The following CSMD1 variants were observed in gnomAD, a reference collection of about 807,000 sequenced individuals.
The protein encoded by CSMD1 is CUB and sushi domain-containing protein 1.
CSMD1 carries 213 observed loss-of-function variants against 417.5 expected under a neutral mutation model. The observed-to-expected ratio is 0.51, with a 90% confidence interval of 0.46 to 0.57. The LOEUF (loss-of-function observed/expected upper bound fraction) is 0.57. Ranked by LOEUF, CSMD1 falls within the 20% of genes least tolerant of loss-of-function variation. The probability of loss-of-function intolerance (pLI) is 0.00; values close to 1 mark genes in which losing one functional copy is unlikely to be tolerated. For synonymous variants in CSMD1, 2,862 were observed against 1,736.8 expected (o/e 1.65, Z -16.11); for missense variants, 6,923 against 4,529.7 (o/e 1.53, Z -15.17).
intron 1 of CSMD1, among the ~76,000 whole-genome samples, chr8:4,831,618 A>G (rs1176320826): frequency 6.6e-6 from 1 of 151,874 alleles, no homozygotes; most frequent in African/African-American, 2.4e-5. Context: ...ACCTGGTGAC[A>G]CTCTTTCTTT....
chr8:4,006,132 T>C (rs1485073946), intron 4 of CSMD1, among the ~76,000 whole-genome samples: 1 of 152,160 alleles, frequency 6.6e-6, no homozygotes, highest in South Asian at 2.1e-4. Flanking sequence ...TATTCACATA[T>C]CAACCACAGA....
rs533617889 is a variant in CSMD1 at position 3,976,051 on chromosome 8, C to G, written c.818+21852G>C. Among the ~76,000 whole-genome samples, 26 of 151,958 alleles carry G rather than the reference C, an allele frequency of 1.7e-4. No individual in the cohort carries two copies. The East Asian group carries it at 5.0e-3, about 29-fold the overall frequency. On this transcript the variant is annotated intron_variant, in intron 5 of 69. Transcript: ENST00000635120. ...ATATTCAATATATACTGATTGAAAT[C>G]TGTATTTGATATGTTAAATTTTTTT...
intron 3 of CSMD1, among the ~76,000 whole-genome samples, chr8:4,065,110 T>C (rs1799177362): frequency 6.6e-6 from 1 of 152,234 alleles, no homozygotes; most frequent in African/African-American, 2.4e-5. Flanking sequence ...AAAATGTCAT[T>C]TTCTAGTTTA....
intron 41 of CSMD1, among the ~76,000 whole-genome samples, chr8:3,134,259 G>A (rs564409302): frequency 1.3e-5 from 2 of 152,258 alleles, no homozygotes; most frequent in African/African-American, 2.4e-5. Flanking sequence ...CAAATCAAGG[G>A]CAAGGGTTCT....
intron 10 of CSMD1, among the ~76,000 whole-genome samples, chr8:3,547,958 A>C (rs1362960469): frequency 1.3e-5 from 2 of 152,210 alleles, no homozygotes; most frequent in Non-Finnish European, 2.9e-5. Context: ...TTGCGATACA[A>C]CTTCAACCTA....
At chr8:4,903,287 C>A (rs754262931) in intron 1 of CSMD1, among the ~76,000 whole-genome samples, 1 of 152,108 alleles carries the variant, frequency 6.6e-6, no homozygotes, top group Non-Finnish European at 1.5e-5. Context: ...TACAGCTGAC[C>A]TTTCTGATTT....
chr8:4,396,303 TAAA>T lies in CSMD1; in HGVS notation c.415+23647_415+23649del, dbSNP rs71534399. ...ACAGTGAGACATCATCTCTTAAAAG[TAAA>T]AAAAAAAAAAAATAGCCAGGCATGG... is the stretch of plus-strand genomic sequence containing the variant. On this transcript the variant is annotated intron_variant, in intron 3 of 69. Coordinates refer to ENST00000635120, the MANE Select transcript of CSMD1 (RefSeq NM_033225.6). Among the ~76,000 whole-genome samples, 94 of 139,576 alleles carry T rather than the reference TAAA, an allele frequency of 6.7e-4. 1 individual carries two copies. The highest frequency in any genetic ancestry group is 2.0e-3 in the African/African-American group (80 of 39,160). The allele number at this position is 139,576 out of a possible 152,430, so 91.6% of individuals were successfully genotyped here. A position where few individuals can be genotyped will look rare whatever the true frequency, so the allele number is the denominator to read the frequency against.
chr8:4,729,652 G>A (rs910136002), intron 1 of CSMD1, among the ~76,000 whole-genome samples: 53 of 152,326 alleles, frequency 3.5e-4, no homozygotes, highest in African/African-American at 1.3e-3. Flanking sequence ...CTTTGCATGA[G>A]TATCTATTTG....
chr8:3,012,753 A>C lies in CSMD1; in HGVS notation c.8029+5724T>G, dbSNP rs184878638. Among the ~76,000 whole-genome samples the C allele has an allele frequency of 2.8e-4, 43 of 152,240 alleles. No homozygotes were observed. In the East Asian group the frequency reaches 8.1e-3, roughly 29 times the overall value. On this transcript the variant is annotated intron_variant, in intron 52 of 69. Transcript: ENST00000635120. ...TACACAAATGAAAGGGGATGTGGGG[A>C]TTTTTTATACTGATTCCAAAAGCTC... is the stretch of plus-strand genomic sequence containing the variant.
At chr8:3,243,274 T>C (rs934111849) in intron 26 of CSMD1, among the ~76,000 whole-genome samples, 1 of 152,032 alleles carries the variant, frequency 6.6e-6, no homozygotes, top group Non-Finnish European at 1.5e-5. Flanking sequence ...GAACAGGGGA[T>C]TGATCTCCCA....
rs564983786 is a variant in CSMD1 at position 3,368,826 on chromosome 8, A to G, written c.2899+428T>C. ...AGCCATCTCTGGATTATGTGAAGAT[A>G]AATTATTCATTATGTATGATGATAC... On this transcript the variant is annotated intron_variant, in intron 19 of 69. Coordinates refer to ENST00000635120, the MANE Select transcript of CSMD1 (RefSeq NM_033225.6). Among the ~76,000 whole-genome samples, 8 of 152,360 alleles carry G rather than the reference A, an allele frequency of 5.3e-5. No homozygotes were observed. The East Asian group carries it at 1.5e-3, about 29-fold the overall frequency.
chr8:4,794,486 G>T (rs574476621), intron 1 of CSMD1, among the ~76,000 whole-genome samples: 1 of 152,216 alleles, frequency 6.6e-6, no homozygotes, highest in East Asian at 1.9e-4. Flanking sequence ...AAAATGGGCA[G>T]CAAGTCACTG....
At chr8:3,560,309 C>A (rs1342615775) in intron 10 of CSMD1, among the ~76,000 whole-genome samples, 7 of 152,092 alleles carry the variant, frequency 4.6e-5, no homozygotes. Context: ...CTGAGAAACA[C>A]AGAAATGATA....
At chr8:4,081,659 C>T (rs2554639) in intron 3 of CSMD1, among the ~76,000 whole-genome samples, 72,051 of 152,036 alleles carry the variant, frequency 0.47, 18,807 homozygotes, top group South Asian at 0.62. Flanking sequence ...TACTATGCTA[C>T]ACAATGCAAC....
intron 2 of CSMD1, among the ~76,000 whole-genome samples, chr8:4,636,555 G>C (rs576089648): frequency 6.6e-6 from 1 of 152,054 alleles, no homozygotes; most frequent in Non-Finnish European, 1.5e-5. Context: ...TTGTACTCAA[G>C]AATTTATCTT....
chr8:4,375,999 C>G (rs1302782032), intron 3 of CSMD1, among the ~76,000 whole-genome samples: 2 of 152,090 alleles, frequency 1.3e-5, no homozygotes, highest in Non-Finnish European at 2.9e-5. Flanking sequence ...CTGAGAGCAG[C>G]CAAGGGATTG....
At chr8:3,474,197 G>A (rs1817276598) in intron 11 of CSMD1, among the ~76,000 whole-genome samples, 1 of 152,200 alleles carries the variant, frequency 6.6e-6, no homozygotes, top group East Asian at 1.9e-4. Flanking sequence ...GTGCATGTGA[G>A]GTTTATTGGC....
intron 5 of CSMD1, among the ~76,000 whole-genome samples, chr8:3,819,804 C>A (rs1801618925): frequency 6.6e-6 from 1 of 152,048 alleles, no homozygotes; most frequent in Non-Finnish European, 1.5e-5. Context: ...CCTGGCCTCC[C>A]AAAGTACTGA....
intron 12 of CSMD1, among the ~76,000 whole-genome samples, chr8:3,415,650 G>C (rs1342240536): frequency 6.6e-6 from 1 of 152,172 alleles, no homozygotes. Flanking sequence ...GTGAGCCATT[G>C]TGCCTGGCCT....
Sources: allele counts gnomAD v4.1 joint callset (sites outside exome capture counted in the v4.1 genomes callset), GRCh38; gene constraint gnomAD v4.1.1; transcripts MANE v1.5; gene names NCBI Gene and HGNC (gene_info 2026-07-23, HGNC 2026-07-21).